SNX17: variants seen among roughly 807,000 people sequenced by gnomAD.
The protein encoded by SNX17 is sorting nexin-17.
SNX17 carries 35 observed loss-of-function variants against 64.3 expected under a neutral mutation model. That is an observed-to-expected ratio of 0.54 (90% CI 0.42 to 0.72). The LOEUF is 0.72. Among genes scored for constraint, SNX17 ranks in the 30% least tolerant of loss-of-function variants. The pLI, the probability that SNX17 is intolerant of heterozygous loss-of-function variation, is 0.00. For synonymous variants in SNX17, 259 were observed against 230.2 expected, an observed-to-expected ratio of 1.13 and a Z score of -1.13; for missense variants, 538 against 610.0, an observed-to-expected ratio of 0.88 and a Z score of 1.24.
intron 14 of SNX17, 23 bp downstream of exon 14, chr2:27,376,543 TTGC>T: frequency 6.2e-7 from 1 of 1,614,134 alleles, no homozygotes; most frequent in Non-Finnish European, 8.5e-7. Flanking sequence ...GTTGGTGAGG[TTGC>T]TGTTTGTTGG....
At position 27,372,887 on chromosome 2, in the gene SNX17, G is replaced by C. The variant is rs78682672; in HGVS notation, c.256+147G>C. 2,614 of 1,277,768 alleles carry C rather than the reference G, an allele frequency of 2.0e-3. 65 individuals are homozygous for C. The East Asian group carries it at 0.055, about 27-fold the overall frequency. 79.2% of individuals were successfully genotyped at this position (1,277,768 alleles called of 1,614,324 possible). On this transcript the variant is annotated intron_variant, in intron 3 of 14. Coordinates refer to ENST00000233575, the MANE Select transcript of SNX17 (RefSeq NM_014748.4). ...TGTTATGCAGTTAGCAAAGTAAATA[G>C]TGTACGAGGATGTGTAACTCTGTGT... is the stretch of plus-strand genomic sequence containing the variant.
chr2:27,373,373 AT>A, intron 4 of SNX17, 62 bp downstream of exon 4: 3 of 1,562,388 alleles, frequency 1.9e-6, no homozygotes, highest in Non-Finnish European at 2.6e-6. Context: ...CATGTCTTTT[AT>A]TTTTTTGAGA....
At chr2:27,371,418 C>A (rs1682527378) in intron 2 of SNX17, 75 bp downstream of exon 2, 1 of 1,524,788 alleles carries the variant, frequency 6.6e-7, no homozygotes, top group South Asian at 1.2e-5. Flanking sequence ...TCCCTTTACC[C>A]GCTCTTCTTG....
At chr2:27,376,291 G>T in intron 12 of SNX17, 22 bp from the exon 13 acceptor site, 1 of 1,611,522 alleles carries the variant, frequency 6.2e-7, no homozygotes, top group South Asian at 1.1e-5. Flanking sequence ...TGCCCTCACC[G>T]GCACCTTGTG....
chr2:27,372,965 T>G, intron 3 of SNX17: 1 of 1,375,952 alleles, frequency 7.3e-7, no homozygotes, highest in East Asian at 2.5e-5. Context: ...AGTATAACAC[T>G]AGTCTTAATA....
chr2:27,374,025 G>C, intron 5 of SNX17, 54 bp downstream of exon 5: 1 of 1,610,114 alleles, frequency 6.2e-7, no homozygotes, highest in Non-Finnish European at 8.5e-7. Context: ...GGGGTCCTGG[G>C]CTTGGAGAAT....
chr2:27,374,663 C>T, intron 7 of SNX17, 26 bp from the exon 8 acceptor site: 1 of 1,610,736 alleles, frequency 6.2e-7, no homozygotes, highest in Non-Finnish European at 8.5e-7. Context: ...AGCCCCATTA[C>T]CCCTTTCCAC....
chr2:27,375,003 G>A lies in SNX17; in HGVS notation c.682-58G>A. ...AGGCTGGACAGAGGTAATGGTAGAC[G>A]CTTTCCTTGGATTGCTGACTGGGAC... On this transcript the variant is annotated intron_variant, in intron 8 of 14. Coordinates refer to ENST00000233575, the MANE Select transcript of SNX17 (RefSeq NM_014748.4). This position sits in a 1 kb window ranked among gnomAD's most constrained non-coding sequence, Gnocchi z 4.1. 2 of 1,494,404 alleles carry A rather than the reference G, an allele frequency of 1.3e-6. No individual in the cohort carries two copies. Among genetic ancestry groups the A allele is most frequent in the Non-Finnish European group, 1.9e-6 (2 of 1,071,378 alleles). The allele number at this position is 1,494,404 out of a possible 1,614,324, so 92.6% of individuals were successfully genotyped here.
At position 27,370,696 on chromosome 2, in the gene SNX17, C is replaced by CG. The variant is rs1682380079; in HGVS notation, c.-48_-47insG. ...AGCGGAGGGGGAGCGTGCAGAGCCG[C>CG]TGCGGCCCTCACAGTCCGGAGCCCG... On this transcript the variant is annotated 5_prime_UTR_variant, in exon 1 of 15. Transcript: ENST00000233575. The CG allele has an allele frequency of 6.6e-7, 1 of 1,515,968 alleles. No homozygotes were observed. Among genetic ancestry groups the CG allele is most frequent in the Non-Finnish European group, 8.9e-7 (1 of 1,125,520 alleles). The allele number at this position is 1,515,968 out of a possible 1,614,324, so 93.9% of individuals were successfully genotyped here.
chr2:27,374,122 T>C lies in SNX17; in HGVS notation c.470T>C (p.Ile157Thr), dbSNP rs1682917355. The C allele has an allele frequency of 6.2e-7, 1 of 1,614,216 alleles. No individual in the cohort carries two copies. The highest frequency in any genetic ancestry group is 1.3e-5 in the African/African-American group (1 of 75,058). ...AAGCTGGATCTTCCAGATGACTTGA[T>C]TGGATACTTTAGTCTATTCTTAGTT... ...AAKLDLPDDLIGYFSLFLVRE... is the reference protein window; with the variant it reads ...AAKLDLPDDLTGYFSLFLVRE... The change falls in exon 6 of 15, where the codon ATT (isoleucine) becomes ACT (threonine). Residue 157 changes from isoleucine (I) to threonine (T), a missense_variant. This residue lies in a region of SNX17 where 505 missense variants were observed against 550.4 expected (regional missense o/e 0.92). Transcript: ENST00000233575.
chr2:27,376,031 C>T lies in SNX17; in HGVS notation c.1104+60C>T. 1.1e-5 allele frequency: 17 copies of T among 1,613,674 alleles called. No individual in the cohort carries two copies. In the South Asian group the frequency reaches 1.8e-4, roughly 17 times the overall value. The stretch of plus-strand genomic sequence containing the variant: ...CTTAAAGTGTAGAGTTTCCAGTACT[C>T]AATATGGGAGGCATTAGTGGTGCTG... On this transcript the variant is annotated intron_variant, in intron 11 of 14. Coordinates refer to ENST00000233575, the MANE Select transcript of SNX17 (RefSeq NM_014748.4).
chr2:27,371,608 T>C (rs1163880977), intron 2 of SNX17: 4 of 441,122 alleles, frequency 9.1e-6, no homozygotes, highest in African/African-American at 6.2e-5. Context: ...TACCCCTGCA[T>C]GGACAAACCA....
Position 27,375,064 on chromosome 2 carries a change from G to T in SNX17, c.685G>T (p.Val229Leu). The part of the protein sequence containing the change: ...VGLNLLYAQT[V>L]SDIERGWILV... ...CTGCCCCTTGTCTCTACTATAGACG[G>T]TATCAGATATTGAGCGTGGGTGGAT... The change falls in exon 9 of 15, where the codon GTA becomes TTA. Residue 229 changes from valine (V) to leucine (L), a missense_variant. Physicochemically the swap from Val to Leu is conservative, Grantham distance 32 (BLOSUM62 1). This residue lies in a region of SNX17 where 505 missense variants were observed against 550.4 expected (regional missense o/e 0.92). Coordinates refer to ENST00000233575, the MANE Select transcript of SNX17 (RefSeq NM_014748.4). This position sits in a 1 kb window ranked among gnomAD's most constrained non-coding sequence, Gnocchi z 4.1. 1 of 1,613,950 alleles carries T rather than the reference G, an allele frequency of 6.2e-7. No homozygotes were observed. The highest frequency in any genetic ancestry group is 2.2e-5 in the East Asian group (1 of 44,870).
rs905247211 is a variant in SNX17, at chr2:27,377,477, T to G, written c.*758T>G. The G allele has an allele frequency of 3.2e-6, 5 of 1,547,336 alleles. No homozygotes were observed. Among genetic ancestry groups the G allele is most frequent in the African/African-American group, 1.4e-5 (1 of 73,772 alleles). ...CCTACGTTAGTCTGTGTGGAGCCCC[T>G]GGCCAGCGGGGGAGAAAAAGGTGGC... On this transcript the variant is annotated 3_prime_UTR_variant, in exon 15 of 15. Transcript: ENST00000233575. This position sits in a 1 kb window ranked among gnomAD's most constrained non-coding sequence, Gnocchi z 4.4.
At chr2:27,370,892 C>A in intron 1 of SNX17, 86 bp downstream of exon 1, 1 of 1,429,024 alleles carries the variant, frequency 7.0e-7, no homozygotes, top group South Asian at 1.3e-5. Context: ...TGAGGCCTGA[C>A]CGCCACCCTT....
chr2:27,376,333 G>A lies in SNX17; in HGVS notation c.1203G>A (p.Gly401=). Reference sequence around the variant, plus strand: ...CCCAGATGCTGCGCCGGCGGGTGGGGGGTACTCTGAGACGCTCAGACAGCC... The same window carrying A: ...CCCAGATGCTGCGCCGGCGGGTGGGAGGTACTCTGAGACGCTCAGACAGCC... The part of the protein sequence containing the change: ...SIRKMLRRRV[G]GTLRRSDSQQ... The change falls in exon 13 of 15, where the codon GGG becomes GGA. Residue 401 remains glycine, a synonymous_variant. Coordinates refer to ENST00000233575, the MANE Select transcript of SNX17 (RefSeq NM_014748.4). 6.2e-7 allele frequency: 1 copy of A among 1,612,334 alleles called. No homozygotes were observed. The highest frequency in any genetic ancestry group is 1.7e-5 in the Admixed American group (1 of 59,990).
intron 7 of SNX17, 41 bp from the exon 8 acceptor site, chr2:27,374,648 A>G (rs1396529167): frequency 1.9e-6 from 3 of 1,594,900 alleles, no homozygotes; most frequent in Non-Finnish European, 2.6e-6. Context: ...GCCTTAACCC[A>G]GCTTAGCCCC....
Position 27,375,387 on chromosome 2 carries a change from C to A in SNX17, c.775-119C>A. 9.4e-7 allele frequency: 1 copy of A among 1,060,004 alleles called. No homozygotes were observed. Among genetic ancestry groups the A allele is most frequent in the South Asian group, 1.4e-5 (1 of 71,354 alleles). 65.7% of individuals were successfully genotyped at this position (1,060,004 alleles called of 1,614,324 possible). On this transcript the variant is annotated intron_variant, in intron 9 of 14. Transcript: ENST00000233575. This position sits in a 1 kb window ranked among gnomAD's most constrained non-coding sequence, Gnocchi z 4.1. ...GCTCCTGACCTTGTGATCTGTCTGCCTCTGCCTCCTAAAGTGCTGGGATTA... is the reference window on the plus strand; with the variant it reads ...GCTCCTGACCTTGTGATCTGTCTGCATCTGCCTCCTAAAGTGCTGGGATTA...
intron 2 of SNX17, 124 bp from the exon 3 acceptor site, chr2:27,372,499 G>A: frequency 7.3e-7 from 1 of 1,365,686 alleles, no homozygotes; most frequent in Non-Finnish European, 1.0e-6. Context: ...GATGACCAGG[G>A]TAGACAGGGG....
Sources: allele counts gnomAD v4.1 joint callset, GRCh38; gene constraint gnomAD v4.1.1; regional missense constraint gnomAD v4.1.1; non-coding constraint Gnocchi (gnomAD v3.1); transcripts MANE v1.5; gene names NCBI Gene and HGNC (gene_info 2026-07-23, HGNC 2026-07-21).